SEZ6L: variants seen among roughly 807,000 people sequenced by gnomAD.
SEZ6L encodes the protein seizure 6-like protein.
In SEZ6L, 37 loss-of-function variants were observed where a neutral mutation model predicts 106.2. The ratio of observed to expected loss-of-function variants is 0.35; its 90% confidence interval spans 0.27 to 0.46. SEZ6L has a LOEUF of 0.46. Among genes scored for constraint, SEZ6L ranks in the 20% least tolerant of loss-of-function variants. SEZ6L has a pLI of 1.00. For missense variants in SEZ6L, 1,172 were observed against 1,332.8 expected, an observed-to-expected ratio of 0.88 and a Z score of 1.88; for synonymous variants, 541 against 570.4, an observed-to-expected ratio of 0.95 and a Z score of 0.73.
intron 1 of SEZ6L, among the ~76,000 whole-genome samples, chr22:26,290,018 G>A (rs927548794): frequency 6.6e-5 from 10 of 152,194 alleles, no homozygotes; most frequent in Admixed American, 3.3e-4. Context: ...CACTCACTAC[G>A]GGTGAGGCGC....
chr22:26,354,338 A>G lies in SEZ6L; in HGVS notation c.2599+3095A>G, dbSNP rs564785425. ...TACAGAGAAGGCCACAGGGTGACAG[A>G]GGGAGAGATTAGAGTGATGCAGCTG... On this transcript the variant is annotated intron_variant, in intron 12 of 16. Transcript: ENST00000248933. Among the ~76,000 whole-genome samples the G allele has an allele frequency of 5.9e-5, 9 of 152,314 alleles. No individual in the cohort carries two copies. The East Asian group carries it at 1.7e-3, about 29-fold the overall frequency.
At chr22:26,275,710 G>T (rs1440360782) in intron 1 of SEZ6L, among the ~76,000 whole-genome samples, 1 of 152,126 alleles carries the variant, frequency 6.6e-6, no homozygotes, top group African/African-American at 2.4e-5. Flanking sequence ...GGTGCCTTTT[G>T]GTTCTGCCTT....
chr22:26,357,018 C>G (rs566696616), intron 12 of SEZ6L, among the ~76,000 whole-genome samples: 1 of 151,170 alleles, frequency 6.6e-6, no homozygotes, highest in East Asian at 1.9e-4. Context: ...GTGGCGCAAT[C>G]TTAGCCCACT....
At chr22:26,303,740 A>G (rs2081524423) in intron 5 of SEZ6L, among the ~76,000 whole-genome samples, 1 of 152,194 alleles carries the variant, frequency 6.6e-6, no homozygotes, top group African/African-American at 2.4e-5. Flanking sequence ...AACAAACAAA[A>G]AGTAGTCCTA....
chr22:26,181,220 G>A (rs1024733247), intron 1 of SEZ6L, among the ~76,000 whole-genome samples: 4 of 152,198 alleles, frequency 2.6e-5, no homozygotes, highest in African/African-American at 9.7e-5. Flanking sequence ...GCTGCCATAT[G>A]TGGCAGCCCT....
intron 1 of SEZ6L, among the ~76,000 whole-genome samples, chr22:26,268,113 T>C (rs1237332157): frequency 6.6e-6 from 1 of 152,198 alleles, no homozygotes; most frequent in Admixed American, 6.5e-5. Flanking sequence ...TAAATACCAA[T>C]CCAATTTCCT....
At chr22:26,319,375 T>C (rs1569461235) in intron 9 of SEZ6L, among the ~76,000 whole-genome samples, 1 of 152,246 alleles carries the variant, frequency 6.6e-6, no homozygotes, top group Admixed American at 6.5e-5. Context: ...GCACCCATGC[T>C]CTGCTCAAAG....
At chr22:26,321,369 G>A (rs368323176) in intron 9 of SEZ6L, among the ~76,000 whole-genome samples, 15 of 152,188 alleles carry the variant, frequency 9.9e-5, no homozygotes, top group Non-Finnish European at 1.8e-4. Flanking sequence ...ACAGCCTGGC[G>A]GTGAATGCGA....
chr22:26,231,264 T>C (rs2078789353), intron 1 of SEZ6L, among the ~76,000 whole-genome samples: 1 of 152,136 alleles, frequency 6.6e-6, no homozygotes, highest in Admixed American at 6.5e-5. Flanking sequence ...AACTTCAGAG[T>C]TGTCTGGTCA....
intron 4 of SEZ6L, 133 bp downstream of exon 4, chr22:26,297,213 A>T: frequency 1.7e-6 from 1 of 595,474 alleles, no homozygotes; most frequent in Non-Finnish European, 2.7e-6. Flanking sequence ...TTCTCAGAAT[A>T]ATGTTTTTAA....
At chr22:26,236,186 G>A (rs1474472490) in intron 1 of SEZ6L, among the ~76,000 whole-genome samples, 1 of 152,226 alleles carries the variant, frequency 6.6e-6, no homozygotes, top group Non-Finnish European at 1.5e-5. Context: ...CATTAAACCT[G>A]CCACTGAGCC....
chr22:26,362,045 A>T (rs1210360511), intron 12 of SEZ6L, among the ~76,000 whole-genome samples: 1 of 152,096 alleles, frequency 6.6e-6, no homozygotes, highest in Non-Finnish European at 1.5e-5. Flanking sequence ...AAATACATCA[A>T]AGCACAGGCT....
intron 9 of SEZ6L, among the ~76,000 whole-genome samples, chr22:26,318,321 G>A (rs964891024): frequency 3.3e-5 from 5 of 151,800 alleles, no homozygotes; most frequent in African/African-American, 1.2e-4. Flanking sequence ...TGATCTGCCT[G>A]CCTCAGCCTC....
intron 5 of SEZ6L, among the ~76,000 whole-genome samples, chr22:26,302,585 T>C (rs921432732): frequency 1.3e-5 from 2 of 152,234 alleles, no homozygotes; most frequent in African/African-American, 4.8e-5. Context: ...GAGCTAATGA[T>C]AAATTCTGAG....
At chr22:26,320,118 G>C (rs531133953) in intron 9 of SEZ6L, among the ~76,000 whole-genome samples, 1 of 152,184 alleles carries the variant, frequency 6.6e-6, no homozygotes, top group Non-Finnish European at 1.5e-5. Context: ...CTCCCCAAGA[G>C]AATATTTTAT....
At chr22:26,313,270 T>C (rs2081895111) in intron 8 of SEZ6L, among the ~76,000 whole-genome samples, 1 of 152,136 alleles carries the variant, frequency 6.6e-6, no homozygotes, top group South Asian at 2.1e-4. Context: ...AATAACCCAA[T>C]GAGGTTGGCA....
intron 1 of SEZ6L, among the ~76,000 whole-genome samples, chr22:26,245,860 A>G (rs2079322143): frequency 6.6e-6 from 1 of 152,152 alleles, no homozygotes; most frequent in Non-Finnish European, 1.5e-5. Flanking sequence ...CATTATTATT[A>G]GTATTGCTGT....
chr22:26,222,300 C>T (rs777529640), intron 1 of SEZ6L, among the ~76,000 whole-genome samples: 2 of 152,196 alleles, frequency 1.3e-5, no homozygotes, highest in Admixed American at 1.3e-4. Context: ...AACTTCCTAA[C>T]TTTACAGATG....
intron 1 of SEZ6L, 136 bp downstream of exon 1, chr22:26,169,899 G>T (rs1406994398): frequency 4.9e-6 from 2 of 406,146 alleles, no homozygotes; most frequent in Non-Finnish European, 8.5e-6. Flanking sequence ...CCAAAATCGG[G>T]GCTAGGAACC....
Sources: allele counts gnomAD v4.1 joint callset (sites outside exome capture counted in the v4.1 genomes callset), GRCh38; gene constraint gnomAD v4.1.1; transcripts MANE v1.5; gene names NCBI Gene and HGNC (gene_info 2026-07-23, HGNC 2026-07-21).